WDR49: variants seen among roughly 807,000 people sequenced by gnomAD.
The protein encoded by WDR49 is cilia- and flagella-associated protein 337.
Under a neutral mutation model 119.5 loss-of-function variants are expected in WDR49, and 107 were observed. The ratio of observed to expected loss-of-function variants is 0.90; its 90% CI spans 0.77 to 1.05. The LOEUF (loss-of-function observed/expected upper bound fraction) is 1.05. Among genes scored for constraint, WDR49 ranks in the 50% least tolerant of loss-of-function variants. The pLI is 0.00. For synonymous variants in WDR49, 425 were observed against 418.8 expected, an observed-to-expected ratio of 1.01 and a Z score of -0.18; for missense variants, 1,240 against 1,220.5, an observed-to-expected ratio of 1.02 and a Z score of -0.24.
chr3:167,492,268 G>C (rs551498924), intron 18 of WDR49, among the ~76,000 whole-genome samples: 1 of 152,038 alleles, frequency 6.6e-6, no homozygotes, highest in African/African-American at 2.4e-5. Context: ...TAAAATGACT[G>C]GTTTTAGAAA....
At chr3:167,625,162 G>A (rs1173092350) in intron 3 of WDR49, among the ~76,000 whole-genome samples, 2 of 151,932 alleles carry the variant, frequency 1.3e-5, no homozygotes, top group Non-Finnish European at 2.9e-5. Flanking sequence ...TGCCTTTTTG[G>A]AGAAATGCTG....
intron 18 of WDR49, among the ~76,000 whole-genome samples, chr3:167,481,821 G>C (rs983625663): frequency 2.0e-5 from 3 of 152,128 alleles, no homozygotes; most frequent in African/African-American, 7.2e-5. Flanking sequence ...GCACGAGAAA[G>C]ACTGGCCCGC....
intron 10 of WDR49, among the ~76,000 whole-genome samples, chr3:167,546,521 G>A (rs1196701274): frequency 2.7e-5 from 4 of 148,576 alleles, no homozygotes; most frequent in Admixed American, 2.7e-4. Context: ...TCCTGGCACT[G>A]AAGGAGTTTA....
At chr3:167,566,981 A>C in intron 8 of WDR49, 1 of 554,424 alleles carries the variant, frequency 1.8e-6, no homozygotes. Context: ...GGGAGGCAGG[A>C]GGTCAGGAGA....
intron 2 of WDR49, among the ~76,000 whole-genome samples, chr3:167,652,653 G>A (rs1043050081): frequency 6.6e-6 from 1 of 152,094 alleles, no homozygotes; most frequent in Non-Finnish European, 1.5e-5. Context: ...AATTCCTATG[G>A]TTTATTTTTT....
intron 12 of WDR49, 83 bp from the exon 13 acceptor site, chr3:167,531,362 A>C: frequency 6.3e-6 from 9 of 1,428,932 alleles, no homozygotes; most frequent in Non-Finnish European, 8.7e-6. Flanking sequence ...GCAGGCCCAC[A>C]TCTATCACTA....
chr3:167,514,120 T>G, intron 16 of WDR49, among the ~76,000 whole-genome samples: 1 of 152,132 alleles, frequency 6.6e-6, no homozygotes, highest in African/African-American at 2.4e-5. Flanking sequence ...TGATAGAGAT[T>G]TACAGAAATC....
rs74801262 is a variant in WDR49 at position 167,602,992 on chromosome 3, C to T, written c.1127-717G>A. On this transcript the variant is annotated intron_variant, in intron 6 of 18. Transcript: ENST00000682715. ...TACACCATCTCTTTGTGTAAGTACA[C>T]TCTATGATGCTCACACAATGGAAAA... Among the ~76,000 whole-genome samples, 1,350 of 152,214 alleles carry T rather than the reference C, an allele frequency of 8.9e-3. 88 individuals carry two copies. In the East Asian group the frequency reaches 0.17, roughly 20 times the overall value.
intron 5 of WDR49, among the ~76,000 whole-genome samples, chr3:167,608,754 A>G (rs1716183724): frequency 6.6e-6 from 1 of 152,256 alleles, no homozygotes; most frequent in South Asian, 2.1e-4. Context: ...ATGAGCTGGT[A>G]AAATAAATGA....
chr3:167,512,124 A>G (rs1751999930), intron 16 of WDR49, among the ~76,000 whole-genome samples: 1 of 152,156 alleles, frequency 6.6e-6, no homozygotes, highest in African/African-American at 2.4e-5. Flanking sequence ...CTTCGTTAAG[A>G]GGGTCCCTGA....
At chr3:167,491,284 CTG>C (rs1304830094) in intron 18 of WDR49, among the ~76,000 whole-genome samples, 1 of 152,144 alleles carries the variant, frequency 6.6e-6, no homozygotes, top group Non-Finnish European at 1.5e-5. Context: ...GGGGATGAGA[CTG>C]GCGATGCTGA....
intron 13 of WDR49, 68 bp from the exon 14 acceptor site, chr3:167,529,307 G>C: frequency 2.1e-6 from 3 of 1,417,160 alleles, no homozygotes; most frequent in Non-Finnish European, 2.8e-6. Context: ...TTCTTCAGTG[G>C]CTTTCCCTGT....
At chr3:167,588,447 C>A (rs1298497946) in intron 7 of WDR49, among the ~76,000 whole-genome samples, 1 of 152,094 alleles carries the variant, frequency 6.6e-6, no homozygotes, top group Non-Finnish European at 1.5e-5. Flanking sequence ...ATACTGATTT[C>A]TTTTCTTTGG....
At chr3:167,488,008 A>C (rs1306508545) in intron 18 of WDR49, among the ~76,000 whole-genome samples, 1 of 152,058 alleles carries the variant, frequency 6.6e-6, no homozygotes, top group East Asian at 1.9e-4. Flanking sequence ...CTTGACCCAG[A>C]AATCTCACTA....
rs1243481864 is a variant in WDR49 at position 167,478,916 on chromosome 3, G to A, written c.3112C>T (p.Gln1038Ter). The change falls in exon 19 of 19, where the codon CAA becomes TAA. Residue 1038 changes from glutamine to a stop codon, truncating the protein, a stop_gained. Transcript: ENST00000682715. LOFTEE classifies it high-confidence loss of function. ...TTCTTCACTTCACAACTTTTTTCTTGGCATAATTGCTTGGCTTTTCGTTCA... is the reference window on the plus strand; with the variant it reads ...TTCTTCACTTCACAACTTTTTTCTTAGCATAATTGCTTGGCTTTTCGTTCA... ...HHERKAKQLC[Q>*]EKSCEVKKNK... The A allele has an allele frequency of 2.5e-6, 4 of 1,607,030 alleles. No homozygotes were observed. In the South Asian group the frequency reaches 3.4e-5, roughly 14 times the overall value.
Position 167,560,222 on chromosome 3 carries a change from T to A in WDR49, c.1516A>T (p.Ser506Cys). 6.2e-7 allele frequency: 1 copy of A among 1,611,204 alleles called. No individual in the cohort carries two copies. The highest frequency in any genetic ancestry group is 8.5e-7 in the Non-Finnish European group (1 of 1,179,082). ...LYNSILKQVI[S>C]SDTGSTVSFW... ...GAAACAGTAGACCCTGTATCAGAGCTGATTACCTAAGAGAAAATAACATTT... is the reference window on the plus strand; with the variant it reads ...GAAACAGTAGACCCTGTATCAGAGCAGATTACCTAAGAGAAAATAACATTT... The change falls in exon 9 of 19, where the codon AGC becomes TGC. Residue 506 changes from serine (S) to cysteine (C), a missense_variant. By Grantham distance (112) the Ser-to-Cys change is moderately radical. Coordinates refer to ENST00000682715, the MANE Select transcript of WDR49 (RefSeq NM_001366157.1).
intron 8 of WDR49, among the ~76,000 whole-genome samples, chr3:167,565,386 C>T (rs565220357): frequency 8.2e-4 from 109 of 133,120 alleles, no homozygotes; most frequent in African/African-American, 2.6e-3. Flanking sequence ...TATCTACACA[C>T]ACACACACAC....
chr3:167,644,507 C>T (rs990227441), intron 2 of WDR49, among the ~76,000 whole-genome samples: 1 of 152,122 alleles, frequency 6.6e-6, no homozygotes, highest in Non-Finnish European at 1.5e-5. Context: ...GGCAATCTTA[C>T]ATAAGTCTTC....
intron 2 of WDR49, among the ~76,000 whole-genome samples, chr3:167,631,930 C>A (rs1311478904): frequency 6.6e-6 from 1 of 151,954 alleles, no homozygotes; most frequent in Non-Finnish European, 1.5e-5. Flanking sequence ...TGATATCGAG[C>A]CCTTTGAACC....
Sources: allele counts gnomAD v4.1 joint callset (sites outside exome capture counted in the v4.1 genomes callset), GRCh38; gene constraint gnomAD v4.1.1; transcripts MANE v1.5; gene names NCBI Gene and HGNC (gene_info 2026-07-23, HGNC 2026-07-21).